NBAS: variants seen among roughly 807,000 people sequenced by gnomAD.
NBAS encodes the protein NBAS subunit of NRZ tethering complex, also known as NAG/BC035112 fusion.
A neutral mutation model predicts 302.5 loss-of-function variants in NBAS; 219 were observed. That is an observed-to-expected ratio of 0.72 (90% CI 0.65 to 0.81). NBAS has a LOEUF of 0.81. Ranked by LOEUF, NBAS falls within the 30% of genes least tolerant of loss-of-function variation. The pLI is 0.00. For synonymous variants in NBAS, 1,118 were observed against 1,021.6 expected (o/e 1.09, Z -1.80); for missense variants, 2,932 against 2,841.6 (o/e 1.03, Z -0.72).
At chr2:15,102,789 G>A in the NBAS span, among the ~76,000 whole-genome samples, 1 of 152,140 alleles carries the variant, frequency 6.6e-6, no homozygotes, top group Non-Finnish European at 1.5e-5. Flanking sequence ...AAACTAATTA[G>A]TATCTTCATA....
the NBAS span, among the ~76,000 whole-genome samples, chr2:14,942,517 G>T: frequency 1.8e-3 from 275 of 152,322 alleles, 1 homozygote; most frequent in African/African-American, 6.5e-3. Context: ...TTCCTCAGAA[G>T]CTAAGCAGAT....
the NBAS span, among the ~76,000 whole-genome samples, chr2:15,127,309 G>A: frequency 6.6e-6 from 1 of 152,140 alleles, no homozygotes; most frequent in Non-Finnish European, 1.5e-5. Flanking sequence ...CTTTCCATCT[G>A]TATAATAATT....
Position 15,467,489 on chromosome 2 carries a change from CCG to C in NBAS, c.2019-84_2019-83del, listed in dbSNP as rs201767452. ...AGTTATAATGAAAATGATTAATATT[CCG>C]TTGAGCCCAAAACTCATGAAACAGT... On this transcript the variant is annotated intron_variant, in intron 18 of 51. Coordinates refer to ENST00000281513, the MANE Select transcript of NBAS (RefSeq NM_015909.4). The C allele has an allele frequency of 6.0e-3, 8,166 of 1,363,384 alleles. 152 individuals carry two copies. The highest frequency in any genetic ancestry group is 0.049 in the East Asian group (2,133 of 43,332). 84.5% of individuals were successfully genotyped at this position (1,363,384 alleles called of 1,614,324 possible).
chr2:15,165,621 T>C (rs1039550934), downstream of NBAS, among the ~76,000 whole-genome samples: 1 of 152,160 alleles, frequency 6.6e-6, no homozygotes, highest in Non-Finnish European at 1.5e-5. Context: ...ATGTTATTCT[T>C]AAATAGATGG....
At chr2:15,496,749 A>G (rs1681088802) in intron 11 of NBAS, among the ~76,000 whole-genome samples, 1 of 152,150 alleles carries the variant, frequency 6.6e-6, no homozygotes, top group African/African-American at 2.4e-5. Flanking sequence ...CATCTAATAC[A>G]CCTATTCTAT....
chr2:14,783,470 C>G, the NBAS span, among the ~76,000 whole-genome samples: 228 of 118,478 alleles, frequency 1.9e-3, 2 homozygotes, highest in African/African-American at 6.6e-3. Flanking sequence ...TCCCTCCCCC[C>G]TCCCCCCACC....
the NBAS span, among the ~76,000 whole-genome samples, chr2:14,802,964 C>T: frequency 6.7e-6 from 1 of 148,176 alleles, no homozygotes; most frequent in East Asian, 2.0e-4. Context: ...GGGTGCAGCG[C>T]ACCAGCATGG....
At chr2:15,157,805 T>C in the NBAS span, among the ~76,000 whole-genome samples, 93 of 152,294 alleles carry the variant, frequency 6.1e-4, no homozygotes, top group East Asian at 0.017. Flanking sequence ...ATTCCCAGCA[T>C]TGCTGCTTGT....
chr2:15,127,633 T>C, the NBAS span, among the ~76,000 whole-genome samples: 1 of 152,252 alleles, frequency 6.6e-6, no homozygotes, highest in East Asian at 1.9e-4. Flanking sequence ...TCGACATCTC[T>C]ACTGTCTCAC....
chr2:15,243,610 T>C (rs1311851255), intron 44 of NBAS, among the ~76,000 whole-genome samples: 1 of 151,634 alleles, frequency 6.6e-6, no homozygotes, highest in Non-Finnish European at 1.5e-5. Context: ...AATACCGTAA[T>C]CTATGATATG....
At chr2:15,541,842 CGGGA>C (rs1663851050) in intron 6 of NBAS, among the ~76,000 whole-genome samples, 1 of 68,514 alleles carries the variant, frequency 1.5e-5, no homozygotes. Flanking sequence ...CCGCCCCGTC[CGGGA>C]GGGAGGTGGG....
intron 44 of NBAS, among the ~76,000 whole-genome samples, chr2:15,273,378 T>A (rs1221788295): frequency 1.3e-5 from 2 of 152,220 alleles, no homozygotes; most frequent in Non-Finnish European, 2.9e-5. Flanking sequence ...CCTACTGGGC[T>A]AAAAATGCTC....
At chr2:14,967,041 CATT>C in the NBAS span, among the ~76,000 whole-genome samples, 1 of 151,830 alleles carries the variant, frequency 6.6e-6, no homozygotes, top group African/African-American at 2.4e-5. Context: ...TTTAAAATAC[CATT>C]ATTAATAGCG....
At chr2:14,954,160 G>A in the NBAS span, among the ~76,000 whole-genome samples, 33 of 152,304 alleles carry the variant, frequency 2.2e-4, no homozygotes, top group Non-Finnish European at 4.9e-4. Context: ...TAATGACTAT[G>A]GAAATGGCTA....
At chr2:15,410,663 G>A (rs73200607) in intron 25 of NBAS, among the ~76,000 whole-genome samples, 2,462 of 152,222 alleles carry the variant, frequency 0.016, 75 homozygotes, top group African/African-American at 0.056. Flanking sequence ...TCTGTACAAA[G>A]AAGCTAGATT....
the NBAS span, among the ~76,000 whole-genome samples, chr2:15,130,613 C>T: frequency 2.6e-5 from 4 of 152,248 alleles, no homozygotes; most frequent in African/African-American, 4.8e-5. Context: ...TGGGCAGGGC[C>T]ACAGGGCCCC....
At chr2:14,847,252 A>G in the NBAS span, among the ~76,000 whole-genome samples, 40,368 of 151,500 alleles carry the variant, frequency 0.27, 10,085 homozygotes, top group African/African-American at 0.66. Flanking sequence ...GTGTGGTGGC[A>G]GGCACCTGTA....
chr2:15,497,864 T>C (rs1205744303), intron 11 of NBAS, among the ~76,000 whole-genome samples: 1 of 152,232 alleles, frequency 6.6e-6, no homozygotes, highest in African/African-American at 2.4e-5. Flanking sequence ...TTACTTTTAA[T>C]GATGAAAAAT....
the NBAS span, among the ~76,000 whole-genome samples, chr2:15,049,184 C>T: frequency 1.3e-5 from 2 of 152,224 alleles, no homozygotes; most frequent in Admixed American, 6.5e-5. Flanking sequence ...GCAGCTGCGA[C>T]CCTTCCACCT....
Sources: gnomAD v4.1 joint callset for allele counts (sites outside exome capture counted in the v4.1 genomes callset) on GRCh38, gnomAD v4.1.1 for gene constraint, MANE v1.5 for transcripts, NCBI Gene and HGNC (gene_info 2026-07-23, HGNC 2026-07-21) for gene names.